Variants in NBEA observed in about 807,000 individuals in gnomAD.
NBEA encodes the protein lysosomal-trafficking regulator 2.
NBEA carries 44 observed loss-of-function variants against 343.4 expected under a neutral mutation model. That is an observed-to-expected ratio of 0.13 (90% CI 0.10 to 0.16). The LOEUF (loss-of-function observed/expected upper bound fraction) is 0.16. Ranked by LOEUF, NBEA falls within the 10% of genes least tolerant of loss-of-function variation. NBEA has a pLI of 1.00. For synonymous variants in NBEA, 1,175 were observed against 1,238.7 expected, an observed-to-expected ratio of 0.95 and a Z score of 1.08; for missense variants, 2,555 against 3,631.3, an observed-to-expected ratio of 0.70 and a Z score of 7.62.
chr13:35,117,535 TAGAA>T (rs1261881187), intron 14 of NBEA, 42 bp downstream of exon 14: 14 of 967,216 alleles, frequency 1.4e-5, no homozygotes, highest in South Asian at 3.3e-5. Flanking sequence ...GTATATTAGG[TAGAA>T]AGGAATTTCT....
At chr13:34,976,936 C>A (rs1000813033) in intron 1 of NBEA, among the ~76,000 whole-genome samples, 8 of 142,938 alleles carry the variant, frequency 5.6e-5, no homozygotes, top group East Asian at 4.4e-4. Context: ...TTCTTTTTCT[C>A]TCTATTTTTT....
intron 31 of NBEA, among the ~76,000 whole-genome samples, chr13:35,207,054 T>C (rs1302404477): frequency 6.6e-6 from 1 of 151,982 alleles, no homozygotes; most frequent in African/African-American, 2.4e-5. Flanking sequence ...AAGGAGATAG[T>C]GAAGAAATTT....
intron 41 of NBEA, among the ~76,000 whole-genome samples, chr13:35,505,467 G>A (rs1008445203): frequency 2.0e-5 from 3 of 152,156 alleles, no homozygotes; most frequent in Non-Finnish European, 4.4e-5. Context: ...AGCTGTCACT[G>A]TTTAAATAGT....
At chr13:35,384,349 C>A (rs2042141290) in intron 38 of NBEA, among the ~76,000 whole-genome samples, 3 of 151,924 alleles carry the variant, frequency 2.0e-5, no homozygotes, top group Non-Finnish European at 4.4e-5. Flanking sequence ...TTAAGTAGAA[C>A]CTTTGAAGTA....
intron 55 of NBEA, among the ~76,000 whole-genome samples, chr13:35,657,486 A>G (rs955142725): frequency 2.6e-4 from 39 of 152,360 alleles, no homozygotes; most frequent in African/African-American, 9.4e-4. Context: ...TTGTAAAGCC[A>G]TGTCCGTAAA....
intron 48 of NBEA, among the ~76,000 whole-genome samples, chr13:35,620,880 G>C (rs2082956887): frequency 6.6e-6 from 1 of 152,158 alleles, no homozygotes; most frequent in Non-Finnish European, 1.5e-5. Context: ...GGCAGGTGAA[G>C]GGCTGGGGAT....
intron 45 of NBEA, among the ~76,000 whole-genome samples, chr13:35,581,396 GT>G (rs1281490957): frequency 6.6e-6 from 1 of 151,890 alleles, no homozygotes; most frequent in Non-Finnish European, 1.5e-5. Flanking sequence ...TTTTTCATGT[GT>G]TTTTTGGCTG....
intron 34 of NBEA, among the ~76,000 whole-genome samples, chr13:35,286,358 T>C (rs576180120): frequency 1.3e-5 from 2 of 152,272 alleles, no homozygotes; most frequent in South Asian, 2.1e-4. Flanking sequence ...TTACTGATAA[T>C]ATATTCAAAG....
Position 34,942,697 on chromosome 13 carries a change from C to A in NBEA, c.-124C>A, listed in dbSNP as rs1361651094. 1 of 685,798 alleles carries A rather than the reference C, an allele frequency of 1.5e-6. No homozygotes were observed. Among genetic ancestry groups the A allele is most frequent in the African/African-American group, 1.9e-5 (1 of 53,402 alleles). The allele number at this position is 685,798 out of a possible 1,614,324, so 42.5% of individuals were successfully genotyped here. A position where few individuals can be genotyped will look rare whatever the true frequency, so the allele number is the denominator to read the frequency against. On this transcript the variant is annotated 5_prime_UTR_variant, in exon 1 of 59. Transcript: ENST00000379939. The stretch of plus-strand genomic sequence containing the variant: ...AGGCGCAGGCGGGGAGCGGGCCCGG[C>A]GCCGCGGCGCTGGTGGATGCTGGGG...
chr13:35,057,270 G>C (rs764204190), intron 7 of NBEA, among the ~76,000 whole-genome samples: 2 of 152,032 alleles, frequency 1.3e-5, no homozygotes, highest in Admixed American at 6.6e-5. Context: ...TGCTTATCCT[G>C]TCTTGTATTC....
chr13:35,001,442 T>C (rs1257075880), intron 1 of NBEA, among the ~76,000 whole-genome samples: 2 of 152,102 alleles, frequency 1.3e-5, no homozygotes, highest in African/African-American at 4.8e-5. Flanking sequence ...AGCAGATGAA[T>C]GGATAAAGAA....
chr13:35,527,534 CAAAGTCCAGACG>C (rs1159233518), intron 41 of NBEA, among the ~76,000 whole-genome samples: 1 of 152,210 alleles, frequency 6.6e-6, no homozygotes, highest in Non-Finnish European at 1.5e-5. Context: ...CCTGGGTGCC[CAAAGTCCAGACG>C]GGGCCCCAAG....
intron 45 of NBEA, among the ~76,000 whole-genome samples, chr13:35,581,471 T>A (rs564677987): frequency 5.4e-4 from 82 of 152,170 alleles, no homozygotes; most frequent in African/African-American, 1.8e-3. Flanking sequence ...ATGGTGTTGT[T>A]TGTTTTTTTC....
At chr13:35,067,097 T>C (rs1402049939) in intron 8 of NBEA, among the ~76,000 whole-genome samples, 1 of 152,122 alleles carries the variant, frequency 6.6e-6, no homozygotes, top group Non-Finnish European at 1.5e-5. Context: ...GTTATACATA[T>C]AGTATCTGTA....
At chr13:35,375,055 T>C (rs1030399788) in intron 38 of NBEA, among the ~76,000 whole-genome samples, 2 of 152,186 alleles carry the variant, frequency 1.3e-5, no homozygotes, top group Non-Finnish European at 2.9e-5. Flanking sequence ...TAAAATTCAC[T>C]GGCAGTATTT....
At chr13:35,124,497 TACACAC>T (rs375090464) in intron 17 of NBEA, among the ~76,000 whole-genome samples, 3 of 146,156 alleles carry the variant, frequency 2.1e-5, no homozygotes, top group East Asian at 2.0e-4. Context: ...TGTGTGTGTA[TACACAC>T]ACACACACAC....
intron 56 of NBEA, among the ~76,000 whole-genome samples, chr13:35,666,847 C>G (rs1375206943): frequency 2.0e-5 from 3 of 152,160 alleles, no homozygotes; most frequent in African/African-American, 7.2e-5. Context: ...GACAAAATAT[C>G]TTTCTGTAGG....
chr13:35,445,820 A>ATATATG (rs2045998897), intron 39 of NBEA, among the ~76,000 whole-genome samples: 1 of 134,784 alleles, frequency 7.4e-6, no homozygotes, highest in African/African-American at 2.7e-5. Flanking sequence ...ATATATATGT[A>ATATATG]TATATATATA....
Position 34,942,353 on chromosome 13 carries a change from G to GTAGCAGCGGCGGCAGCAGCGTCAA in NBEA, c.-462_-439dup, listed in dbSNP as rs1435726685. 3.9e-5 allele frequency: 6 copies of GTAGCAGCGGCGGCAGCAGCGTCAA among 153,418 alleles called. No homozygotes were observed. The highest frequency in any genetic ancestry group is 7.3e-5 in the Non-Finnish European group (5 of 68,534). 9.5% of individuals were successfully genotyped at this position (153,418 alleles called of 1,614,324 possible). On this transcript the variant is annotated 5_prime_UTR_variant, in exon 1 of 59. Transcript: ENST00000379939. The stretch of plus-strand genomic sequence containing the variant: ...GGGCTTCACAACAACAGTGGTGGCC[G>GTAGCAGCGGCGGCAGCAGCGTCAA]TAGCAGCGGCGGCAGCAGCGTCAAT...
Sources: gnomAD v4.1 joint callset for allele counts (sites outside exome capture counted in the v4.1 genomes callset) on GRCh38, gnomAD v4.1.1 for gene constraint, MANE v1.5 for transcripts, NCBI Gene and HGNC (gene_info 2026-07-23, HGNC 2026-07-21) for gene names.